Variants in NDUFAF7 observed in about 807,000 individuals in gnomAD.
NDUFAF7 encodes the protein NADH:ubiquinone oxidoreductase complex assembly factor 7.
A neutral mutation model predicts 47.2 loss-of-function variants in NDUFAF7; 48 were observed. The observed-to-expected ratio is 1.02, with a 90% confidence interval of 0.81 to 1.29. The LOEUF (loss-of-function observed/expected upper bound fraction) is 1.29. NDUFAF7 is among the 50% of genes most tolerant of loss of function. NDUFAF7 has a pLI of 0.00. For synonymous variants in NDUFAF7, 217 were observed against 190.0 expected, an observed-to-expected ratio of 1.14 and a Z score of -1.17; for missense variants, 635 against 537.6, an observed-to-expected ratio of 1.18 and a Z score of -1.79.
chr2:37,242,065 G>A, intron 5 of NDUFAF7: 2 of 470,998 alleles, frequency 4.2e-6, no homozygotes, highest in South Asian at 2.5e-5. Flanking sequence ...TATAGCTAGG[G>A]TTGTACCGAT....
chr2:37,267,396 T>G, the NDUFAF7 span: 1 of 1,416,592 alleles, frequency 7.1e-7, no homozygotes, highest in Non-Finnish European at 9.7e-7. Flanking sequence ...TACCAGCCTC[T>G]TTAATAAACC....
chr2:37,252,570 GA>G (rs1667580883), downstream of NDUFAF7: 1 of 152,048 alleles, frequency 6.6e-6, no homozygotes, highest in African/African-American at 2.4e-5. Context: ...CACTATTTTG[GA>G]GTCTTGATTG....
At position 37,248,844 on chromosome 2, in the gene NDUFAF7, G is replaced by A. The variant is rs927401890; in HGVS notation, c.*494G>A. On this transcript the variant is annotated 3_prime_UTR_variant, in exon 10 of 10. Coordinates refer to ENST00000002125, the MANE Select transcript of NDUFAF7 (RefSeq NM_144736.5). ...CAGGAGAATCACTTGAACCTGGGAG[G>A]TGGAGGTTGCGGTGAGCTGAGATCG... 5.9e-6 allele frequency: 1 copy of A among 169,450 alleles called. No individual in the cohort carries two copies. The highest frequency in any genetic ancestry group is 2.4e-5 in the African/African-American group (1 of 41,618). The allele number at this position is 169,450 out of a possible 1,614,324, so 10.5% of individuals were successfully genotyped here.
chr2:37,269,758 C>A, the NDUFAF7 span: 3 of 1,053,586 alleles, frequency 2.8e-6, no homozygotes, highest in Non-Finnish European at 2.8e-6. Context: ...TGACTTTCTT[C>A]ATCCAAATAC....
the NDUFAF7 span, chr2:37,267,521 GTCTT>G: frequency 4.4e-6 from 7 of 1,605,282 alleles, no homozygotes; most frequent in Non-Finnish European, 5.1e-6. Context: ...ATCCCTCCCA[GTCTT>G]TCTATGTTTT....
chr2:37,253,963 T>G (rs900746502), downstream of NDUFAF7, among the ~76,000 whole-genome samples: 1 of 152,172 alleles, frequency 6.6e-6, no homozygotes, highest in Non-Finnish European at 1.5e-5. Flanking sequence ...TACAAAAAGG[T>G]GAAATGAACA....
chr2:37,237,405 A>G (rs566580467), intron 3 of NDUFAF7, among the ~76,000 whole-genome samples: 125 of 152,372 alleles, frequency 8.2e-4, no homozygotes, highest in African/African-American at 2.8e-3. Flanking sequence ...GAATCATGTA[A>G]TTGTTTAAAT....
At chr2:37,269,031 G>A in the NDUFAF7 span, 1 of 153,538 alleles carries the variant, frequency 6.5e-6, no homozygotes, top group Non-Finnish European at 1.4e-5. Flanking sequence ...GGATAACAAG[G>A]GTTTAACATT....
At position 37,232,134 on chromosome 2, in the gene NDUFAF7, C is replaced by CT. The variant is rs1665213662; in HGVS notation, c.86dup (p.Ser30GlnfsTer5). ...TTCCTTTTATTTGGAGAGGGAAATA[C>CT]TTCAGCTCCGGGAATGAGCCTGCAG... On this transcript the variant is annotated frameshift_variant, in exon 2 of 10. Transcript: ENST00000002125. LOFTEE classifies it high-confidence loss of function. 6.2e-7 allele frequency: 1 copy of CT among 1,614,110 alleles called. No individual in the cohort carries two copies. Among genetic ancestry groups the CT allele is most frequent in the Non-Finnish European group, 8.5e-7 (1 of 1,180,050 alleles).
downstream of NDUFAF7, among the ~76,000 whole-genome samples, chr2:37,249,987 A>T (rs899558217): frequency 1.5e-4 from 22 of 150,980 alleles, no homozygotes; most frequent in Admixed American, 1.2e-3. Flanking sequence ...TTGAATGTGG[A>T]CCAACACAAA....
the NDUFAF7 span, among the ~76,000 whole-genome samples, chr2:37,267,171 C>G: frequency 6.6e-6 from 1 of 152,092 alleles, no homozygotes; most frequent in Non-Finnish European, 1.5e-5. Context: ...AACCTTCTGA[C>G]AAAATGTGGC....
At chr2:37,257,008 T>A, downstream of NDUFAF7, 2 of 1,445,724 alleles carry the variant, frequency 1.4e-6, no homozygotes, top group Non-Finnish European at 1.9e-6. Context: ...TAACACTGTA[T>A]GTATCATTTC....
intron 4 of NDUFAF7, 69 bp from the exon 5 acceptor site, chr2:37,241,509 A>ATG: frequency 8.0e-7 from 1 of 1,244,552 alleles, no homozygotes; most frequent in Non-Finnish European, 1.2e-6. Flanking sequence ...TAAATCATTG[A>ATG]TGTAAATGAT....
the NDUFAF7 span, among the ~76,000 whole-genome samples, chr2:37,266,882 G>A: frequency 6.6e-6 from 1 of 152,158 alleles, no homozygotes. Flanking sequence ...ATGATATTCA[G>A]AAAGTGATCC....
the NDUFAF7 span, chr2:37,260,213 G>C: frequency 6.4e-7 from 1 of 1,573,016 alleles, no homozygotes; most frequent in South Asian, 1.2e-5. Context: ...AAAAAAAGGA[G>C]TTAAAATACC....
chr2:37,259,715 G>A, the NDUFAF7 span: 1 of 1,471,632 alleles, frequency 6.8e-7, no homozygotes, highest in Non-Finnish European at 9.5e-7. Context: ...TTCAATGTCT[G>A]GAAAATCACA....
At chr2:37,263,224 T>G in the NDUFAF7 span, among the ~76,000 whole-genome samples, 29,916 of 152,150 alleles carry the variant, frequency 0.2, 3,934 homozygotes, top group East Asian at 0.55. Flanking sequence ...TGCAGTATTT[T>G]CAGGTTTTCT....
intron 2 of NDUFAF7, among the ~76,000 whole-genome samples, chr2:37,232,488 T>G (rs1376075315): frequency 6.6e-6 from 1 of 152,108 alleles, no homozygotes; most frequent in East Asian, 1.9e-4. Flanking sequence ...CCAAGGGTGT[T>G]TAGGAGACAG....
chr2:37,232,065 C>A (rs17020344), intron 1 of NDUFAF7, 41 bp from the exon 2 acceptor site: 56 of 1,613,798 alleles, frequency 3.5e-5, no homozygotes, highest in Non-Finnish European at 4.6e-5. Context: ...CGTGAATGGT[C>A]AGATTTATCA....
Sources: allele counts gnomAD v4.1 joint callset (sites outside exome capture counted in the v4.1 genomes callset), GRCh38; gene constraint gnomAD v4.1.1; transcripts MANE v1.5; gene names NCBI Gene and HGNC (gene_info 2026-07-23, HGNC 2026-07-21).